Variants in GTF3C2 observed in about 807,000 individuals in gnomAD.
GTF3C2 encodes general transcription factor 3C polypeptide 2.
A neutral mutation model predicts 117.4 loss-of-function variants in GTF3C2; 17 were observed. The ratio of observed to expected loss-of-function variants is 0.14; its 90% CI spans 0.10 to 0.22. The LOEUF is 0.22. Ranked by LOEUF, GTF3C2 falls within the 10% of genes least tolerant of loss-of-function variation. GTF3C2 has a pLI of 1.00. For missense variants in GTF3C2, 888 were observed against 1,143.6 expected (o/e 0.78, Z 3.22); for synonymous variants, 437 against 427.0 (o/e 1.02, Z -0.29).
At chr2:27,345,934 T>C (rs1375378490) in intron 1 of GTF3C2, among the ~76,000 whole-genome samples, 2 of 151,510 alleles carry the variant, frequency 1.3e-5, no homozygotes, top group Non-Finnish European at 2.9e-5. Flanking sequence ...AGGCTGGTCT[T>C]GGACTCCTGA....
At position 27,329,652 on chromosome 2, in the gene GTF3C2, G is replaced by A. The variant is rs1039114352; in HGVS notation, c.1733-129C>T. ...CCAAACCACTATGAAAGGATGTGGG[G>A]ATCCTGATTAGCTATCCAACACTCC... is the stretch of plus-strand genomic sequence containing the variant. On this transcript the variant is annotated intron_variant, in intron 12 of 18. Transcript: ENST00000264720. The surrounding 1 kb of genome is among the most constrained non-coding windows in gnomAD (Gnocchi z 4.5). 1.5e-5 allele frequency: 12 copies of A among 820,444 alleles called. No homozygotes were observed. Among genetic ancestry groups the A allele is most frequent in the Admixed American group, 2.6e-5 (1 of 38,728 alleles). The allele number at this position is 820,444 out of a possible 1,614,324, so 50.8% of individuals were successfully genotyped here. A position where few individuals can be genotyped will look rare whatever the true frequency, so the allele number is the denominator to read the frequency against.
intron 3 of GTF3C2, 125 bp downstream of exon 3, chr2:27,342,701 T>G: frequency 1.4e-6 from 1 of 702,976 alleles, no homozygotes; most frequent in Non-Finnish European, 2.5e-6. Flanking sequence ...ACTGCTCAAG[T>G]CCCTAGAATC....
exon 19 of GTF3C2, chr2:27,326,660 T>C (rs1356963871): frequency 1.9e-6 from 3 of 1,597,752 alleles, no homozygotes; most frequent in African/African-American, 1.3e-5. Context: ...TCCAAGGATC[T>C]GGTGTGGGCC....
intron 18 of GTF3C2, 67 bp from the exon 19 acceptor site, chr2:27,326,960 T>C: frequency 1.0e-6 from 1 of 984,228 alleles, no homozygotes; most frequent in East Asian, 2.6e-5. Context: ...CTCCTAGCTG[T>C]ATGAACAAAA....
chr2:27,355,596 G>C (rs895053699), intron 1 of GTF3C2, among the ~76,000 whole-genome samples: 2 of 151,972 alleles, frequency 1.3e-5, no homozygotes, highest in Non-Finnish European at 2.9e-5. Flanking sequence ...ACACAGTAAA[G>C]GAATAGATGA....
At chr2:27,347,840 G>A (rs978934467) in intron 1 of GTF3C2, among the ~76,000 whole-genome samples, 1 of 152,170 alleles carries the variant, frequency 6.6e-6, no homozygotes, top group Non-Finnish European at 1.5e-5. Context: ...CATTATAAAA[G>A]GGTGAGTTTA....
chr2:27,328,765 T>G, intron 15 of GTF3C2, 79 bp downstream of exon 15: 6 of 1,148,704 alleles, frequency 5.2e-6, no homozygotes, highest in Non-Finnish European at 7.8e-6. Context: ...TACCCAAAAC[T>G]ACTGCCTCTG....
At chr2:27,352,595 T>C (rs1294354870) in intron 1 of GTF3C2, among the ~76,000 whole-genome samples, 1 of 152,200 alleles carries the variant, frequency 6.6e-6, no homozygotes, top group East Asian at 1.9e-4. Context: ...CACATAACTA[T>C]CCTTCACCCC....
rs754875502 is a variant in GTF3C2 at position 27,327,166 on chromosome 2, TGA to T, written c.2517+9_2517+10del. The T allele has an allele frequency of 1.3e-5, 18 of 1,418,506 alleles. No homozygotes were observed. The highest frequency in any genetic ancestry group is 1.7e-5 in the Non-Finnish European group (17 of 1,004,616). The allele number at this position is 1,418,506 out of a possible 1,614,324, so 87.9% of individuals were successfully genotyped here. A position where few individuals can be genotyped will look rare whatever the true frequency, so the allele number is the denominator to read the frequency against. Reference sequence around the variant, plus strand: ...AAATGAGAGTGGAGGGTGGAGAGGATGAGAGACTACCTTATGAATAGCCTCCA... The same window carrying T: ...AAATGAGAGTGGAGGGTGGAGAGGATGAGACTACCTTATGAATAGCCTCCA... On this transcript the variant is annotated intron_variant, in intron 18 of 18. Coordinates refer to ENST00000264720, the Ensembl canonical transcript of GTF3C2.
At position 27,342,120 on chromosome 2, in the gene GTF3C2, C is replaced by T. The variant is rs768367303; in HGVS notation, c.683G>A (p.Arg228Gln). 31 of 1,614,000 alleles carry T rather than the reference C, an allele frequency of 1.9e-5. 1 individual carries two copies. The highest frequency in any genetic ancestry group is 2.4e-5 in the Non-Finnish European group (28 of 1,180,046). Residue 228 changes from arginine (R) to glutamine (Q), a missense_variant, in exon 4 of 19, where the codon CGG becomes CAG. Arg to Gln is a conservative substitution (Grantham distance 43, BLOSUM62 1). Transcript: ENST00000264720. ...TCCACCTGGACAGGCTGCTGGCTGC[C>T]GGATCTTCTTCGGTTTGGTGGGGCT...
exon 19 of GTF3C2, chr2:27,325,858 A>C (rs1680057040): frequency 5.5e-6 from 1 of 181,800 alleles, no homozygotes; most frequent in Admixed American, 5.5e-5. Context: ...GAATGGTTGA[A>C]GTAACTGAAG....
intron 1 of GTF3C2, chr2:27,356,016 G>T: frequency 1.0e-6 from 1 of 953,794 alleles, no homozygotes; most frequent in Non-Finnish European, 1.5e-6. Flanking sequence ...ATAAGAGATT[G>T]CAAAAATAGT....
intron 4 of GTF3C2, 172 bp from the exon 5 acceptor site, chr2:27,338,192 C>T: frequency 1.6e-6 from 1 of 606,886 alleles, no homozygotes; most frequent in South Asian, 1.9e-5. Flanking sequence ...GACTTCTTCA[C>T]CTTCTGCTCT....
exon 4 of GTF3C2, chr2:27,342,184 G>A (rs1572576608): frequency 6.2e-7 from 1 of 1,614,066 alleles, no homozygotes; most frequent in Non-Finnish European, 8.5e-7. Context: ...ACAGGGGCAG[G>A]CAGGGCTGTT....
chr2:27,329,141 A>G lies in GTF3C2; in HGVS notation c.2019T>C (p.Ala673=). The stretch of plus-strand genomic sequence containing the variant: ...CGTACGAGGCATAGCAGTTGTCCTG[A>G]GCCACAGTGACACCATTGTAGGGAA... The change falls in exon 14 of 19, where the codon GCT becomes GCC. Residue 673 remains alanine, a synonymous_variant. Transcript: ENST00000264720. The surrounding 1 kb of genome is among the most constrained non-coding windows in gnomAD (Gnocchi z 4.5). 6.2e-7 allele frequency: 1 copy of G among 1,614,128 alleles called. No homozygotes were observed. The highest frequency in any genetic ancestry group is 8.5e-7 in the Non-Finnish European group (1 of 1,180,002).
intron 10 of GTF3C2, 86 bp from the exon 11 acceptor site, chr2:27,334,085 G>T: frequency 1.1e-6 from 1 of 950,162 alleles, no homozygotes. Flanking sequence ...GAGTGCAGTG[G>T]CATGATCATG....
Position 27,329,243 on chromosome 2 carries a change from T to C in GTF3C2, c.1917A>G (p.Lys639=). 6.2e-7 allele frequency: 1 copy of C among 1,614,210 alleles called. No homozygotes were observed. The highest frequency in any genetic ancestry group is 1.1e-5 in the South Asian group (1 of 91,086). ...CGTAAGGACGTCGAAGGTCCCAGAA[T>C]TTGATTTTCCGGTCACTCCCCGCAG... The change falls in exon 14 of 19, where the codon AAA becomes AAG. Residue 639 remains lysine, a synonymous_variant. Transcript: ENST00000264720. This position sits in a 1 kb window ranked among gnomAD's most constrained non-coding sequence, Gnocchi z 4.5.
intron 2 of GTF3C2, 25 bp downstream of exon 2, chr2:27,343,283 A>C (rs1680800811): frequency 6.2e-7 from 1 of 1,604,010 alleles, no homozygotes; most frequent in Non-Finnish European, 8.5e-7. Context: ...TGGGGAATAA[A>C]AAGATAAGAG....
intron 1 of GTF3C2, among the ~76,000 whole-genome samples, chr2:27,344,060 C>T (rs191168397): frequency 1.3e-5 from 2 of 149,446 alleles, no homozygotes; most frequent in Non-Finnish European, 3.0e-5. Flanking sequence ...GTTTCACTCT[C>T]GTTGCCCAGG....
Sources: gnomAD v4.1 joint callset for allele counts (sites outside exome capture counted in the v4.1 genomes callset) on GRCh38, gnomAD v4.1.1 for gene constraint, Gnocchi (gnomAD v3.1) non-coding constraint, MANE v1.5 for transcripts, NCBI Gene and HGNC (gene_info 2026-07-23, HGNC 2026-07-21) for gene names.